The following SLC24A2 variants were observed in gnomAD, a reference collection of about 807,000 sequenced individuals.
SLC24A2 encodes the protein solute carrier family 24 member 2.
Under a neutral mutation model 62.0 loss-of-function variants are expected in SLC24A2, and 36 were observed. The ratio of observed to expected loss-of-function variants is 0.58; its 90% confidence interval spans 0.44 to 0.77. SLC24A2 has a LOEUF of 0.77. Among genes scored for constraint, SLC24A2 ranks in the 30% least tolerant of loss-of-function variants. The probability of loss-of-function intolerance (pLI) is 0.00; values close to 1 mark genes in which losing one functional copy is unlikely to be tolerated. For missense variants in SLC24A2, 846 were observed against 817.9 expected (o/e 1.03, Z -0.42); for synonymous variants, 358 against 294.0 (o/e 1.22, Z -2.23).
chr9:19,839,616 T>G, the SLC24A2 span, among the ~76,000 whole-genome samples: 1 of 152,184 alleles, frequency 6.6e-6, no homozygotes, highest in Non-Finnish European at 1.5e-5. Flanking sequence ...GGTCAAAATC[T>G]GAATTCGTTT....
chr9:19,664,695 T>A (rs1784240665), intron 2 of SLC24A2, among the ~76,000 whole-genome samples: 1 of 152,034 alleles, frequency 6.6e-6, no homozygotes, highest in Admixed American at 6.6e-5. Context: ...GGTGTCCTTA[T>A]AAGGAGAGTG....
chr9:20,151,207 T>A, the SLC24A2 span, among the ~76,000 whole-genome samples: 20 of 152,104 alleles, frequency 1.3e-4, no homozygotes, highest in African/African-American at 4.6e-4. Flanking sequence ...CCTTCCCCTC[T>A]TCCCAATGTT....
chr9:20,158,560 C>A, the SLC24A2 span, among the ~76,000 whole-genome samples: 1 of 151,604 alleles, frequency 6.6e-6, no homozygotes, highest in Admixed American at 6.6e-5. Context: ...ACTTCCCATC[C>A]AGAACAATAA....
chr9:20,099,373 A>T, the SLC24A2 span, among the ~76,000 whole-genome samples: 4 of 152,186 alleles, frequency 2.6e-5, no homozygotes, highest in African/African-American at 9.7e-5. Flanking sequence ...CTTCTTCTTT[A>T]GGCAACAAAA....
At chr9:20,030,201 T>A in the SLC24A2 span, among the ~76,000 whole-genome samples, 1 of 152,192 alleles carries the variant, frequency 6.6e-6, no homozygotes, top group African/African-American at 2.4e-5. Context: ...GACTTGGCAA[T>A]GGAGCAGAGG....
chr9:19,621,670 C>T (rs1587051035), intron 3 of SLC24A2, among the ~76,000 whole-genome samples: 2 of 152,000 alleles, frequency 1.3e-5, no homozygotes, highest in South Asian at 2.1e-4. Context: ...AATAGGAACT[C>T]GAAAATGTGT....
At chr9:19,841,000 C>A in the SLC24A2 span, among the ~76,000 whole-genome samples, 14 of 152,156 alleles carry the variant, frequency 9.2e-5, no homozygotes, top group Non-Finnish European at 1.5e-4. Flanking sequence ...TGTTGATGAA[C>A]AGCTGGATGG....
chr9:20,045,620 G>A, the SLC24A2 span, among the ~76,000 whole-genome samples: 22 of 151,912 alleles, frequency 1.4e-4, no homozygotes, highest in African/African-American at 3.9e-4. Context: ...TTTAGTAGAG[G>A]CGGGGTTTCA....
At chr9:20,279,118 T>C in the SLC24A2 span, among the ~76,000 whole-genome samples, 103,248 of 152,078 alleles carry the variant, frequency 0.68, 37,405 homozygotes, top group East Asian at 0.96. Flanking sequence ...AAAAAACCTA[T>C]CCCCATGATT....
the SLC24A2 span, among the ~76,000 whole-genome samples, chr9:20,161,482 C>T: frequency 0.68 from 102,146 of 151,134 alleles, 35,296 homozygotes; most frequent in Middle Eastern, 0.82. Flanking sequence ...TCCTAAATAA[C>T]ATATCAGCCA....
the SLC24A2 span, among the ~76,000 whole-genome samples, chr9:19,977,256 G>A: frequency 3.9e-5 from 6 of 152,046 alleles, no homozygotes; most frequent in African/African-American, 1.2e-4. Context: ...TAGCTGCTAT[G>A]TTGTATGTTT....
chr9:20,097,461 T>C, the SLC24A2 span, among the ~76,000 whole-genome samples: 1 of 152,132 alleles, frequency 6.6e-6, no homozygotes. Context: ...TGTAGTTGGA[T>C]GTTGGGAGTC....
chr9:19,731,743 T>C (rs563353941), intron 2 of SLC24A2, among the ~76,000 whole-genome samples: 4 of 152,204 alleles, frequency 2.6e-5, no homozygotes, highest in Admixed American at 2.0e-4. Flanking sequence ...ACATGTAGCA[T>C]AGGTAAAACA....
chr9:20,041,149 TACGCGTGCGCGCGTGCGC>T, the SLC24A2 span, among the ~76,000 whole-genome samples: 1 of 151,690 alleles, frequency 6.6e-6, no homozygotes, highest in East Asian at 1.9e-4. Flanking sequence ...TGCGTGTGTG[TACGCGTGCGCGCGTGCGC>T]ACGTGTGCGC....
chr9:19,650,044 GC>G (rs1204404709), intron 2 of SLC24A2, among the ~76,000 whole-genome samples: 1 of 152,128 alleles, frequency 6.6e-6, no homozygotes, highest in East Asian at 1.9e-4. Context: ...ACAGCAAACT[GC>G]TCTAAACCTT....
the SLC24A2 span, among the ~76,000 whole-genome samples, chr9:20,238,721 T>C: frequency 6.6e-6 from 1 of 152,210 alleles, no homozygotes; most frequent in African/African-American, 2.4e-5. Flanking sequence ...TGTACATCTG[T>C]TGTCAATCAA....
chr9:19,635,411 A>T (rs1280232752), intron 2 of SLC24A2, among the ~76,000 whole-genome samples: 3 of 152,202 alleles, frequency 2.0e-5, no homozygotes, highest in Non-Finnish European at 2.9e-5. Context: ...GTACAAGCTT[A>T]TTGCCCAGAG....
At chr9:20,208,540 C>T in the SLC24A2 span, among the ~76,000 whole-genome samples, 1 of 152,334 alleles carries the variant, frequency 6.6e-6, no homozygotes, top group South Asian at 2.1e-4. Flanking sequence ...CAGTGCTTTT[C>T]CCATAGGGCA....
At chr9:20,043,444 G>T in the SLC24A2 span, among the ~76,000 whole-genome samples, 1 of 152,146 alleles carries the variant, frequency 6.6e-6, no homozygotes, top group Non-Finnish European at 1.5e-5. Flanking sequence ...TCTCTCTGAT[G>T]GATCTGGACA....
Sources: allele counts gnomAD v4.1 joint callset (sites outside exome capture counted in the v4.1 genomes callset), GRCh38; gene constraint gnomAD v4.1.1; transcripts MANE v1.5; gene names NCBI Gene and HGNC (gene_info 2026-07-23, HGNC 2026-07-21).